The following CFAP47 variants were observed in gnomAD, a reference collection of about 807,000 sequenced individuals.
The protein encoded by CFAP47 is cilia- and flagella-associated protein 47.
Under a neutral mutation model 148.1 loss-of-function variants are expected in CFAP47, and 29 were observed. That is an observed-to-expected ratio of 0.20 (90% CI 0.15 to 0.27). The LOEUF is 0.27. CFAP47 is among the 10% of genes least tolerant of loss of function. The probability of loss-of-function intolerance (pLI) is 1.00; values close to 1 mark genes in which losing one functional copy is unlikely to be tolerated. For synonymous variants in CFAP47, 664 were observed against 577.3 expected (o/e 1.15, Z -2.15); for missense variants, 1,872 against 1,697.5 (o/e 1.10, Z -1.81).
intron 53 of CFAP47, among the ~76,000 whole-genome samples, chrX:36,302,050 A>T (rs1034624721): frequency 1.8e-5 from 2 of 109,109 alleles, no homozygotes; most frequent in East Asian, 5.7e-4. Context: ...TAGCATAGAT[A>T]TCTAGTATGA....
chrX:36,276,765 T>C (rs942163064), intron 49 of CFAP47, among the ~76,000 whole-genome samples: 1 of 112,138 alleles, frequency 8.9e-6, no homozygotes, highest in African/African-American at 3.2e-5. Context: ...TTAGAAAGAA[T>C]TGGTTCTCAG....
chrX:35,967,538 G>A (rs1361800105), intron 9 of CFAP47, 81 bp from the exon 10 acceptor site: 1 of 666,734 alleles, frequency 1.5e-6, no homozygotes, highest in South Asian at 2.8e-5. Context: ...ATTGTCTAGT[G>A]TATTAATTAA....
At chrX:36,100,998 C>T (rs1378085604) in intron 32 of CFAP47, among the ~76,000 whole-genome samples, 1 of 111,114 alleles carries the variant, frequency 9.0e-6, no homozygotes, top group East Asian at 2.9e-4. Flanking sequence ...CCAGATCACC[C>T]TCTGGAGAGT....
At chrX:36,300,964 T>G (rs1057265641) in intron 52 of CFAP47, 108 bp from the exon 53 acceptor site, 5 of 451,157 alleles carry the variant, frequency 1.1e-5, no homozygotes, top group Non-Finnish European at 2.0e-5. Context: ...TTGTCAAATG[T>G]TGTATTTAAA....
At chrX:35,926,838 A>G (rs1935748689) in intron 2 of CFAP47, among the ~76,000 whole-genome samples, 5 of 110,810 alleles carry the variant, frequency 4.5e-5, no homozygotes, top group Admixed American at 3.9e-4. Flanking sequence ...TACCTTTTAC[A>G]AAATTCCCTT....
intron 1 of CFAP47, among the ~76,000 whole-genome samples, chrX:35,921,485 G>T (rs374096223): frequency 8.9e-6 from 1 of 111,903 alleles, no homozygotes; most frequent in African/African-American, 3.2e-5. Flanking sequence ...CAAGCTGGTG[G>T]TAATAATGTT....
intron 33 of CFAP47, among the ~76,000 whole-genome samples, chrX:36,136,437 C>CT (rs1047007211): frequency 9.1e-6 from 1 of 110,315 alleles, no homozygotes; most frequent in African/African-American, 3.3e-5. Context: ...AGTAAATTAT[C>CT]TTTTTCAGAT....
intron 45 of CFAP47, among the ~76,000 whole-genome samples, chrX:36,214,062 G>A (rs6632516): frequency 0.21 from 22,841 of 109,827 alleles, 2,346 homozygotes; most frequent in African/African-American, 0.38. Flanking sequence ...ATCTTTGTAC[G>A]AACATCACAG....
At chrX:36,234,650 G>T (rs1316733472) in intron 46 of CFAP47, among the ~76,000 whole-genome samples, 62 of 112,261 alleles carry the variant, frequency 5.5e-4, no homozygotes, top group Middle Eastern at 4.6e-3. Flanking sequence ...TTGTTCCATT[G>T]CTGGTGAGGA....
At chrX:36,300,351 G>T (rs921022653) in intron 52 of CFAP47, among the ~76,000 whole-genome samples, 1 of 107,991 alleles carries the variant, frequency 9.3e-6, no homozygotes, top group East Asian at 2.9e-4. Flanking sequence ...GTGCAGTGGC[G>T]TGATCTCAGC....
At chrX:36,260,578 G>A in intron 49 of CFAP47, among the ~76,000 whole-genome samples, 1 of 111,908 alleles carries the variant, frequency 8.9e-6, no homozygotes, top group Non-Finnish European at 1.9e-5. Flanking sequence ...GGGGTTGTTT[G>A]CTTTTTGTGT....
At chrX:36,383,817 G>C (rs1942101785) in intron 63 of CFAP47, among the ~76,000 whole-genome samples, 1 of 111,664 alleles carries the variant, frequency 9.0e-6, no homozygotes, top group South Asian at 3.7e-4. Context: ...TTCTGAATGA[G>C]TTTTCTGAGT....
chrX:36,067,076 T>C (rs1039260087), intron 27 of CFAP47, among the ~76,000 whole-genome samples: 9 of 111,901 alleles, frequency 8.0e-5, no homozygotes, highest in Admixed American at 3.8e-4. Flanking sequence ...TGGTCTCCTT[T>C]AACCTCTCTG....
chrX:36,287,753 G>T (rs941079103), intron 51 of CFAP47, among the ~76,000 whole-genome samples: 1 of 111,382 alleles, frequency 9.0e-6, no homozygotes, highest in Non-Finnish European at 1.9e-5. Flanking sequence ...GTTTTCTCAC[G>T]TTTCTAGTCG....
intron 50 of CFAP47, among the ~76,000 whole-genome samples, chrX:36,282,715 T>C: frequency 8.9e-6 from 1 of 111,993 alleles, no homozygotes; most frequent in Non-Finnish European, 1.9e-5. Flanking sequence ...TAGGGAAATA[T>C]GAAAGATAAT....
chrX:36,023,050 A>C (rs1303728394), intron 22 of CFAP47, among the ~76,000 whole-genome samples: 1 of 111,773 alleles, frequency 8.9e-6, no homozygotes, highest in Non-Finnish European at 1.9e-5. Flanking sequence ...TGGGCATTCA[A>C]GAGTTATGTA....
intron 41 of CFAP47, among the ~76,000 whole-genome samples, chrX:36,189,826 G>A (rs1054494177): frequency 1.8e-5 from 2 of 112,059 alleles, no homozygotes; most frequent in Admixed American, 9.4e-5. Flanking sequence ...GAAATTCTTC[G>A]TAATGAAATT....
intron 45 of CFAP47, among the ~76,000 whole-genome samples, chrX:36,213,842 T>G (rs1315763816): frequency 1.8e-5 from 2 of 112,188 alleles, no homozygotes; most frequent in Non-Finnish European, 3.8e-5. Context: ...AAGCAATAAT[T>G]AAATACGAAT....
chrX:36,284,767 G>A (rs6632554), intron 50 of CFAP47, among the ~76,000 whole-genome samples: 11,310 of 111,151 alleles, frequency 0.1, 580 homozygotes, highest in East Asian at 0.26. Flanking sequence ...AGTTAATCTA[G>A]CATAACAGTT....
Sources: allele counts gnomAD v4.1 joint callset (sites outside exome capture counted in the v4.1 genomes callset), GRCh38; gene constraint gnomAD v4.1.1; transcripts MANE v1.5; gene names NCBI Gene and HGNC (gene_info 2026-07-23, HGNC 2026-07-21).